Variants in DPP6 observed in about 807,000 individuals in gnomAD.
DPP6 encodes the protein A-type potassium channel modulatory protein DPP6.
A neutral mutation model predicts 122.6 loss-of-function variants in DPP6; 69 were observed. The ratio of observed to expected loss-of-function variants is 0.56; its 90% CI spans 0.46 to 0.69. DPP6 has a LOEUF of 0.69. Ranked by LOEUF, DPP6 falls within the 30% of genes least tolerant of loss-of-function variation. The pLI, the probability that DPP6 is intolerant of heterozygous loss-of-function variation, is 0.00. For synonymous variants in DPP6, 418 were observed against 433.1 expected, an observed-to-expected ratio of 0.97 and a Z score of 0.43; for missense variants, 928 against 1,116.9, an observed-to-expected ratio of 0.83 and a Z score of 2.41.
At chr7:153,911,143 T>TG (rs1469160159) in intron 1 of DPP6, among the ~76,000 whole-genome samples, 1 of 152,202 alleles carries the variant, frequency 6.6e-6, no homozygotes, top group Non-Finnish European at 1.5e-5. Flanking sequence ...CTAGCCTTGC[T>TG]GGGGTCTCAG....
At chr7:154,816,110 G>A (rs552212537) in intron 16 of DPP6, among the ~76,000 whole-genome samples, 3 of 152,094 alleles carry the variant, frequency 2.0e-5, no homozygotes, top group Admixed American at 6.5e-5. Context: ...ACAGCTTCGC[G>A]ACCTTGGGCA....
intron 1 of DPP6, among the ~76,000 whole-genome samples, chr7:154,434,715 C>G (rs1818716027): frequency 6.6e-6 from 1 of 152,204 alleles, no homozygotes; most frequent in Admixed American, 6.5e-5. Context: ...ACTCTCTAGA[C>G]AGTTGAGTCT....
At chr7:154,261,990 G>A (rs972686300) in intron 1 of DPP6, among the ~76,000 whole-genome samples, 3 of 151,652 alleles carry the variant, frequency 2.0e-5, no homozygotes, top group Admixed American at 6.6e-5. Flanking sequence ...GATGTAAGCA[G>A]GGAAGGAAGG....
intron 10 of DPP6, among the ~76,000 whole-genome samples, chr7:154,781,069 T>C (rs939805452): frequency 6.6e-6 from 1 of 151,626 alleles, no homozygotes; most frequent in African/African-American, 2.4e-5. Flanking sequence ...GGATGGATGA[T>C]GGACAGTTGG....
chr7:153,753,563 T>C, the DPP6 span, among the ~76,000 whole-genome samples: 1 of 151,698 alleles, frequency 6.6e-6, no homozygotes, highest in Non-Finnish European at 1.5e-5. Context: ...TGTCTGAGGG[T>C]AGAGATCAAA....
rs1796790391 is a variant in DPP6 at position 154,158,203 on chromosome 7, GTTAATT to G, written c.243+105142_243+105147del. 2.7e-5 allele frequency among the ~76,000 whole-genome samples: 4 copies of G among 149,318 alleles called. No individual in the cohort carries two copies. In the South Asian group the frequency reaches 8.4e-4, roughly 31 times the overall value. Reference sequence around the variant, plus strand: ...CGTTCTCTTTTTGTATACAAAGACTGTTAATTTAGAGACCTAGAGCTTTCAGATCTT... The same window carrying G: ...CGTTCTCTTTTTGTATACAAAGACTGTAGAGACCTAGAGCTTTCAGATCTT... On this transcript the variant is annotated intron_variant, in intron 1 of 25. Transcript: ENST00000377770.
chr7:154,439,685 G>GTT (rs1563673808), intron 1 of DPP6, among the ~76,000 whole-genome samples: 1 of 152,178 alleles, frequency 6.6e-6, no homozygotes, highest in East Asian at 1.9e-4. Flanking sequence ...TAATTTGCCT[G>GTT]TTTGTTTTCT....
At chr7:153,845,062 A>G in the DPP6 span, among the ~76,000 whole-genome samples, 1 of 152,178 alleles carries the variant, frequency 6.6e-6, no homozygotes, top group African/African-American at 2.4e-5. Flanking sequence ...TTTAAGAAGA[A>G]TTGGCTTTAA....
chr7:153,817,983 T>C, the DPP6 span, among the ~76,000 whole-genome samples: 11,640 of 150,708 alleles, frequency 0.077, 527 homozygotes, highest in Non-Finnish European at 0.11. Flanking sequence ...GAGGGTGAGT[T>C]ACATATGGGG....
chr7:154,574,179 G>C (rs1831300143), intron 5 of DPP6, among the ~76,000 whole-genome samples: 2 of 152,010 alleles, frequency 1.3e-5, no homozygotes, highest in Non-Finnish European at 2.9e-5. Flanking sequence ...TTAAGGTAAT[G>C]CTGTGCGTGT....
At chr7:154,492,233 A>G (rs1191215911) in intron 3 of DPP6, among the ~76,000 whole-genome samples, 1 of 152,134 alleles carries the variant, frequency 6.6e-6, no homozygotes, top group African/African-American at 2.4e-5. Context: ...AATCTGTAAC[A>G]CCTTGTATAG....
rs1221315718 is a variant in DPP6, at chr7:154,590,060, C to T, written c.627+23144C>T. Among the ~76,000 whole-genome samples the T allele has an allele frequency of 3.9e-5, 6 of 152,114 alleles. No individual in the cohort carries two copies. In the South Asian group the frequency reaches 6.2e-4, roughly 16 times the overall value. On this transcript the variant is annotated intron_variant, in intron 5 of 25. Transcript: ENST00000377770. ...TGCAGAGGATAGGACCAAGCAAGGT[C>T]GTATTTTCTTTAATAACCACATCCC...
At chr7:154,654,675 C>A (rs1386436660) in intron 6 of DPP6, among the ~76,000 whole-genome samples, 2 of 151,962 alleles carry the variant, frequency 1.3e-5, no homozygotes, top group Non-Finnish European at 2.9e-5. Flanking sequence ...GCCTTGGCGT[C>A]CCAAAGTGCT....
At chr7:154,646,606 T>C (rs2130967815) in intron 6 of DPP6, among the ~76,000 whole-genome samples, 1 of 152,310 alleles carries the variant, frequency 6.6e-6, no homozygotes, top group Middle Eastern at 3.4e-3. Flanking sequence ...CTTCCATTGT[T>C]GTAGATAGAA....
chr7:153,755,935 T>A, the DPP6 span, among the ~76,000 whole-genome samples: 2 of 152,244 alleles, frequency 1.3e-5, no homozygotes, highest in East Asian at 3.8e-4. Context: ...CATGCAAGGC[T>A]TATGGCGTTT....
chr7:154,414,144 C>T (rs998902724), intron 1 of DPP6, among the ~76,000 whole-genome samples: 3 of 152,286 alleles, frequency 2.0e-5, no homozygotes, highest in African/African-American at 7.2e-5. Context: ...GCTCTTCAAT[C>T]GGCCATCATT....
intron 1 of DPP6, among the ~76,000 whole-genome samples, chr7:154,120,070 A>C (rs576718140): frequency 9.2e-5 from 14 of 152,162 alleles, no homozygotes; most frequent in Admixed American, 3.9e-4. Context: ...TAATATTCCA[A>C]ATATTGAGAG....
intron 1 of DPP6, among the ~76,000 whole-genome samples, chr7:154,266,340 G>A (rs150069628): frequency 4.6e-5 from 7 of 152,062 alleles, no homozygotes; most frequent in African/African-American, 7.2e-5. Context: ...AAGATCTGGC[G>A]CAGGCTTTGA....
the DPP6 span, among the ~76,000 whole-genome samples, chr7:153,869,035 G>C: frequency 6.6e-6 from 1 of 152,088 alleles, no homozygotes; most frequent in South Asian, 2.1e-4. Context: ...TATAATTTCT[G>C]TTCTTTTACA....
Sources: gnomAD v4.1 joint callset for allele counts (sites outside exome capture counted in the v4.1 genomes callset) on GRCh38, gnomAD v4.1.1 for gene constraint, MANE v1.5 for transcripts, NCBI Gene and HGNC (gene_info 2026-07-23, HGNC 2026-07-21) for gene names.